Variants in POTEC observed in about 807,000 individuals in gnomAD.
POTEC encodes the protein POTE ankyrin domain family member C, also known as ANKRD26-like family B member 2.
In POTEC, 35 loss-of-function variants were observed where a neutral mutation model predicts 62.0. The ratio of observed to expected loss-of-function variants is 0.56; its 90% CI spans 0.43 to 0.75. POTEC has a LOEUF of 0.75. Among genes scored for constraint, POTEC ranks in the 30% least tolerant of loss-of-function variants. POTEC has a pLI of 0.00. For missense variants in POTEC, 472 were observed against 655.9 expected (o/e 0.72, Z 3.06); for synonymous variants, 156 against 221.5 (o/e 0.70, Z 2.62).
chr18:14,523,745 T>C (rs902113767), intron 7 of POTEC, among the ~76,000 whole-genome samples: 1 of 152,118 alleles, frequency 6.6e-6, no homozygotes, highest in African/African-American at 2.4e-5. Context: ...GACTAACATG[T>C]GAAAAATAAT....
intron 5 of POTEC, chr18:14,531,612 T>C (rs1359014306): frequency 6.6e-6 from 1 of 151,958 alleles, no homozygotes; most frequent in Non-Finnish European, 1.5e-5. Context: ...CCCATTTTGC[T>C]TTGATTCACA....
At chr18:14,539,100 T>A (rs1238582947) in intron 1 of POTEC, among the ~76,000 whole-genome samples, 1 of 152,178 alleles carries the variant, frequency 6.6e-6, no homozygotes, top group Non-Finnish European at 1.5e-5. Context: ...TCAAAAACTT[T>A]AAGCCAAAGA....
chr18:14,542,706 G>A lies in POTEC; in HGVS notation c.441C>T (p.Ala147=), dbSNP rs1307547537. The stretch of plus-strand genomic sequence containing the variant: ...CCTTTCTGGGGACCTTACCCCACCA[G>A]GCAGCTCTGTGGAGCTTGTCCAGAT... ...REDLDKLHRA[A]WWGKVPRKDL... Residue 147 remains alanine, a synonymous_variant, in exon 1 of 11, where the codon GCC becomes GCT. Coordinates refer to ENST00000358970, the MANE Select transcript of POTEC (RefSeq NM_001137671.2). 3 of 1,613,048 alleles carry A rather than the reference G, an allele frequency of 1.9e-6. No homozygotes were observed. The highest frequency in any genetic ancestry group is 1.3e-5 in the African/African-American group (1 of 74,848).
chr18:14,516,023 A>T (rs912452464), intron 9 of POTEC, among the ~76,000 whole-genome samples: 2 of 151,298 alleles, frequency 1.3e-5, no homozygotes, highest in African/African-American at 2.4e-5. Context: ...AAAACAGCAG[A>T]TGTTGGTGTG....
chr18:14,533,624 T>C (rs556158045), intron 4 of POTEC, among the ~76,000 whole-genome samples: 21 of 152,290 alleles, frequency 1.4e-4, no homozygotes, highest in African/African-American at 4.6e-4. Flanking sequence ...TTAATAATAA[T>C]GGTAAGAATA....
chr18:14,529,594 T>C (rs182128219), intron 6 of POTEC, among the ~76,000 whole-genome samples: 1 of 152,330 alleles, frequency 6.6e-6, no homozygotes, highest in Non-Finnish European at 1.5e-5. Flanking sequence ...TTTGTTAATG[T>C]GAAACATTTT....
At chr18:14,541,411 T>TGA (rs1905927740) in intron 1 of POTEC, among the ~76,000 whole-genome samples, 2 of 152,086 alleles carry the variant, frequency 1.3e-5, no homozygotes, top group African/African-American at 2.4e-5. Flanking sequence ...TTTGGGAGGC[T>TGA]GAGGTGGGTG....
chr18:14,524,320 C>T (rs1910383537), intron 7 of POTEC, among the ~76,000 whole-genome samples: 1 of 152,104 alleles, frequency 6.6e-6, no homozygotes, highest in African/African-American at 2.4e-5. Flanking sequence ...AGCAGAAATG[C>T]TGAAGTCAGT....
At chr18:14,538,591 A>G (rs1905829315) in intron 1 of POTEC, among the ~76,000 whole-genome samples, 1 of 151,526 alleles carries the variant, frequency 6.6e-6, no homozygotes, top group African/African-American at 2.4e-5. Flanking sequence ...AGAGGAAACC[A>G]CTGTAATGCT....
chr18:14,523,150 C>A (rs1198439801), intron 8 of POTEC, among the ~76,000 whole-genome samples: 1 of 150,268 alleles, frequency 6.7e-6, no homozygotes, highest in African/African-American at 2.4e-5. Context: ...CTTCTTTAGC[C>A]ACATTATCTA....
intron 1 of POTEC, among the ~76,000 whole-genome samples, chr18:14,538,937 G>A (rs1189448688): frequency 1.3e-5 from 2 of 152,134 alleles, no homozygotes; most frequent in Non-Finnish European, 2.9e-5. Flanking sequence ...CTTACATTAA[G>A]TAGAATATGT....
At position 14,508,514 on chromosome 18, in the gene POTEC, A is replaced by G. The variant is rs1909905749; in HGVS notation, c.*3384T>C. 6.6e-6 allele frequency: 1 copy of G among 152,568 alleles called. No homozygotes were observed. 9.5% of individuals were successfully genotyped at this position (152,568 alleles called of 1,614,324 possible). A position where few individuals can be genotyped will look rare whatever the true frequency, so the allele number is the denominator to read the frequency against. On this transcript the variant is annotated 3_prime_UTR_variant, in exon 11 of 11. Coordinates refer to ENST00000358970, the MANE Select transcript of POTEC (RefSeq NM_001137671.2). ...AATATTCATAATGCAATCACACACA[A>G]TCACCATGTGACTACATTATGAAAA...
intron 3 of POTEC, among the ~76,000 whole-genome samples, chr18:14,537,218 A>C (rs865906716): frequency 2.0e-3 from 213 of 107,172 alleles, no homozygotes; most frequent in Non-Finnish European, 2.3e-3. Context: ...CACAAAAAAA[A>C]AAAAAAACAA....
intron 6 of POTEC, among the ~76,000 whole-genome samples, chr18:14,530,071 G>C (rs1281453333): frequency 6.6e-6 from 1 of 151,786 alleles, no homozygotes; most frequent in Non-Finnish European, 1.5e-5. Flanking sequence ...ATTACCGCCT[G>C]AACTCTGCCT....
chr18:14,536,898 C>A (rs1452515899), intron 3 of POTEC, among the ~76,000 whole-genome samples: 1 of 151,922 alleles, frequency 6.6e-6, no homozygotes, highest in Non-Finnish European at 1.5e-5. Flanking sequence ...TCAAGACATT[C>A]TAGAATTGAA....
At chr18:14,535,509 T>C (rs968686239) in intron 3 of POTEC, among the ~76,000 whole-genome samples, 10 of 152,072 alleles carry the variant, frequency 6.6e-5, no homozygotes, top group Admixed American at 6.6e-4. Flanking sequence ...TTCCAACATT[T>C]ATTCATTTAA....
At chr18:14,526,267 C>T (rs996866020) in intron 6 of POTEC, among the ~76,000 whole-genome samples, 2 of 152,082 alleles carry the variant, frequency 1.3e-5, no homozygotes, top group Non-Finnish European at 2.9e-5. Flanking sequence ...CCCAGATAAA[C>T]AGGTAACTCC....
intron 5 of POTEC, among the ~76,000 whole-genome samples, 180 bp from the exon 6 acceptor site, chr18:14,530,733 G>GA (rs1401494615): frequency 6.6e-6 from 1 of 151,912 alleles, no homozygotes; most frequent in Admixed American, 6.6e-5. Flanking sequence ...AATTAAAGCA[G>GA]AAAAAAAATT....
In POTEC at chr18:14,542,747, G is replaced by C. The variant is rs1598483185; in HGVS notation, c.400C>G (p.His134Asp). 1 of 1,613,336 alleles carries C rather than the reference G, an allele frequency of 6.2e-7. No individual in the cohort carries two copies. The highest frequency in any genetic ancestry group is 1.3e-5 in the African/African-American group (1 of 74,866). ...TTGTCCAGATCTTCTCGACGGACGT[G>C]GTACCTCGGCTCCATGAAGGCGCTG... ...DDSAFMEPRY[H>D]VRREDLDKLH... is the part of the protein sequence containing the mutation. The change falls in exon 1 of 11, where the codon CAC (histidine) becomes GAC (aspartate). Residue 134 changes from histidine (H) to aspartate (D), a missense_variant. By Grantham distance (81) the His-to-Asp change is moderately conservative. Coordinates refer to ENST00000358970, the MANE Select transcript of POTEC (RefSeq NM_001137671.2).
Sources: allele counts gnomAD v4.1 joint callset (sites outside exome capture counted in the v4.1 genomes callset), GRCh38; gene constraint gnomAD v4.1.1; transcripts MANE v1.5; gene names NCBI Gene and HGNC (gene_info 2026-07-23, HGNC 2026-07-21).